Variants in GALNTL6 observed in about 807,000 individuals in gnomAD.
GALNTL6 encodes polypeptide N-acetylgalactosaminyltransferase like 6.
GALNTL6 carries 46 observed loss-of-function variants against 73.7 expected under a neutral mutation model. The ratio of observed to expected loss-of-function variants is 0.62; its 90% CI spans 0.49 to 0.80. The LOEUF is 0.80. Among genes scored for constraint, GALNTL6 ranks in the 30% least tolerant of loss-of-function variants. The pLI is 0.00. For synonymous variants in GALNTL6, 259 were observed against 263.7 expected (o/e 0.98, Z 0.17); for missense variants, 604 against 755.0 (o/e 0.80, Z 2.34).
At chr4:172,499,795 C>T (rs1734196924) in intron 5 of GALNTL6, among the ~76,000 whole-genome samples, 1 of 152,238 alleles carries the variant, frequency 6.6e-6, no homozygotes, top group Non-Finnish European at 1.5e-5. Flanking sequence ...AATTTTAAAA[C>T]TCACTGCATG....
chr4:172,106,004 G>GTAAAGT (rs1732664345), intron 2 of GALNTL6, among the ~76,000 whole-genome samples: 1 of 152,126 alleles, frequency 6.6e-6, no homozygotes, highest in Non-Finnish European at 1.5e-5. Flanking sequence ...ATTGGCAATA[G>GTAAAGT]TAAAGTTAAA....
chr4:172,688,971 A>C (rs1430468689), intron 5 of GALNTL6, among the ~76,000 whole-genome samples: 1 of 15,078 alleles, frequency 6.6e-5, no homozygotes, highest in Non-Finnish European at 1.5e-4. Flanking sequence ...TCAGTAACCC[A>C]AAGTCAGCCA....
intron 6 of GALNTL6, among the ~76,000 whole-genome samples, chr4:172,810,577 C>G (rs1482782502): frequency 6.6e-6 from 1 of 152,112 alleles, no homozygotes; most frequent in Admixed American, 6.6e-5. Flanking sequence ...CAGCAAAGCT[C>G]CCTTAGTAAA....
At chr4:172,321,854 A>G (rs1368681863) in intron 4 of GALNTL6, among the ~76,000 whole-genome samples, 1 of 152,188 alleles carries the variant, frequency 6.6e-6, no homozygotes, top group Non-Finnish European at 1.5e-5. Flanking sequence ...CTCTAAGACA[A>G]TAATTGGTCA....
At chr4:171,960,647 A>G (rs1217711431) in intron 2 of GALNTL6, among the ~76,000 whole-genome samples, 1 of 149,136 alleles carries the variant, frequency 6.7e-6, no homozygotes, top group African/African-American at 2.5e-5. Context: ...ATGTATATAT[A>G]AATTTTTTTA....
At chr4:171,941,100 AT>A (rs1367609179) in intron 2 of GALNTL6, among the ~76,000 whole-genome samples, 1 of 152,166 alleles carries the variant, frequency 6.6e-6, no homozygotes, top group Non-Finnish European at 1.5e-5. Context: ...ATGTAATATC[AT>A]TAATAATAGC....
intron 11 of GALNTL6, among the ~76,000 whole-genome samples, chr4:173,018,269 T>C (rs1177858294): frequency 6.6e-6 from 1 of 152,198 alleles, no homozygotes; most frequent in Non-Finnish European, 1.5e-5. Context: ...GAATCCAGAG[T>C]CATCAAAGTT....
chr4:172,046,991 C>T (rs1447388349), intron 2 of GALNTL6, among the ~76,000 whole-genome samples: 2 of 152,136 alleles, frequency 1.3e-5, no homozygotes, highest in Non-Finnish European at 2.9e-5. Flanking sequence ...GACATTGAGA[C>T]GTCAAGGGGA....
intron 3 of GALNTL6, among the ~76,000 whole-genome samples, chr4:172,246,576 A>T (rs145752264): frequency 6.6e-6 from 1 of 152,052 alleles, no homozygotes; most frequent in Non-Finnish European, 1.5e-5. Flanking sequence ...TTATAATCTA[A>T]CCAGAGGCAT....
chr4:172,289,556 G>T (rs1739388264), intron 3 of GALNTL6, among the ~76,000 whole-genome samples: 1 of 152,116 alleles, frequency 6.6e-6, no homozygotes, highest in Non-Finnish European at 1.5e-5. Context: ...GAGAATTACA[G>T]AACTGAGATC....
intron 5 of GALNTL6, among the ~76,000 whole-genome samples, chr4:172,574,316 G>A (rs1736876855): frequency 6.6e-6 from 1 of 151,996 alleles, no homozygotes; most frequent in Non-Finnish European, 1.5e-5. Context: ...AAATGGATTA[G>A]TAGGGAATCT....
At chr4:172,612,626 T>C (rs1738569123) in intron 5 of GALNTL6, among the ~76,000 whole-genome samples, 1 of 152,078 alleles carries the variant, frequency 6.6e-6, no homozygotes, top group Admixed American at 6.6e-5. Context: ...TGACTTGGAA[T>C]GGCTGTTGGG....
intron 2 of GALNTL6, among the ~76,000 whole-genome samples, chr4:172,220,013 T>C (rs775373191): frequency 2.0e-5 from 3 of 151,912 alleles, no homozygotes; most frequent in Non-Finnish European, 4.4e-5. Flanking sequence ...AATCCAATTC[T>C]CTGTTAGGAA....
intron 5 of GALNTL6, among the ~76,000 whole-genome samples, chr4:172,719,718 G>A (rs1735337012): frequency 6.6e-6 from 1 of 152,010 alleles, no homozygotes; most frequent in Admixed American, 6.6e-5. Context: ...CCCAAGAGAG[G>A]GTTCTTGGGT....
At chr4:172,467,806 TTTTCTTTCTTTCTTTCTTTCTTTCTTTC>T (rs57581185) in intron 5 of GALNTL6, among the ~76,000 whole-genome samples, 5 of 121,798 alleles carry the variant, frequency 4.1e-5, no homozygotes, top group South Asian at 2.9e-4. Flanking sequence ...GCATTTTACA[TTTTCTTTCTTTCTTTCTTTCTTTCTTTC>T]TTTCTTTCTT....
intron 5 of GALNTL6, among the ~76,000 whole-genome samples, chr4:172,700,501 T>A (rs1733964961): frequency 6.6e-6 from 1 of 152,160 alleles, no homozygotes; most frequent in Non-Finnish European, 1.5e-5. Flanking sequence ...AGCTTTTTAC[T>A]GAAGGTAGGA....
intron 7 of GALNTL6, among the ~76,000 whole-genome samples, chr4:172,815,495 G>A (rs1741549403): frequency 6.6e-6 from 1 of 152,162 alleles, no homozygotes; most frequent in African/African-American, 2.4e-5. Context: ...TACCGTGATA[G>A]TGACTGGTTA....
chr4:172,678,559 G>A (rs973236634), intron 5 of GALNTL6, among the ~76,000 whole-genome samples: 6 of 152,078 alleles, frequency 3.9e-5, no homozygotes, highest in African/African-American at 1.4e-4. Flanking sequence ...TGGTCAAGCT[G>A]GTCTCGAGCT....
chr4:173,041,497 C>T lies in GALNTL6; in HGVS notation c.*1397C>T, dbSNP rs1297973673. The T allele has an allele frequency of 7.2e-5, 11 of 152,058 alleles. No individual in the cohort carries two copies. The South Asian group carries it at 1.0e-3, about 14-fold the overall frequency. 9.4% of individuals were successfully genotyped at this position (152,058 alleles called of 1,614,324 possible). A position where few individuals can be genotyped will look rare whatever the true frequency, so the allele number is the denominator to read the frequency against. ...TTTTTTTGGTATAAAAATGTTTTAA[C>T]TTTGCTTTCTTTTTGGTTTTTGTTT... is the stretch of plus-strand genomic sequence containing the variant. On this transcript the variant is annotated 3_prime_UTR_variant, in exon 13 of 13. Coordinates refer to ENST00000506823, the MANE Select transcript of GALNTL6 (RefSeq NM_001034845.3).
Sources: allele counts gnomAD v4.1 joint callset (sites outside exome capture counted in the v4.1 genomes callset), GRCh38; gene constraint gnomAD v4.1.1; transcripts MANE v1.5; gene names NCBI Gene and HGNC (gene_info 2026-07-23, HGNC 2026-07-21).